The following PPP4R4 variants were observed in gnomAD, a reference collection of about 807,000 sequenced individuals.
The protein encoded by PPP4R4 is serine/threonine-protein phosphatase 4 regulatory subunit 4.
PPP4R4 carries 70 observed loss-of-function variants against 121.8 expected under a neutral mutation model. The observed-to-expected ratio is 0.57, with a 90% CI of 0.47 to 0.70. The LOEUF (loss-of-function observed/expected upper bound fraction) is 0.70. Among genes scored for constraint, PPP4R4 ranks in the 30% least tolerant of loss-of-function variants. The pLI is 0.00. For missense variants in PPP4R4, 875 were observed against 1,033.6 expected (o/e 0.85, Z 2.10); for synonymous variants, 348 against 355.7 (o/e 0.98, Z 0.24).
chr14:94,197,367 C>T (rs540677500), intron 2 of PPP4R4, among the ~76,000 whole-genome samples: 89 of 152,026 alleles, frequency 5.9e-4, no homozygotes, highest in African/African-American at 2.0e-3. Context: ...AATCTTATCA[C>T]GTAGTTATGG....
chr14:94,227,571 C>G, intron 3 of PPP4R4: 1 of 1,312,050 alleles, frequency 7.6e-7, no homozygotes, highest in Non-Finnish European at 9.7e-7. Flanking sequence ...AAATTAAATG[C>G]AAAATAGTTG....
chr14:94,254,043 A>G (rs1396234103), intron 16 of PPP4R4, among the ~76,000 whole-genome samples: 1 of 152,176 alleles, frequency 6.6e-6, no homozygotes, highest in Non-Finnish European at 1.5e-5. Flanking sequence ...TTCTGTGTGC[A>G]TTGATTTCCT....
chr14:94,245,796 G>A (rs1892863164), intron 13 of PPP4R4, 126 bp downstream of exon 13: 4 of 557,124 alleles, frequency 7.2e-6, no homozygotes, highest in Non-Finnish European at 6.2e-6. Context: ...CATAGCAGGT[G>A]GTCAGTAAAA....
intron 3 of PPP4R4, among the ~76,000 whole-genome samples, chr14:94,209,215 G>A (rs1348890394): frequency 6.6e-6 from 1 of 151,948 alleles, no homozygotes; most frequent in Non-Finnish European, 1.5e-5. Context: ...ATAAGAACTT[G>A]AATGAATAAA....
At chr14:94,265,761 A>C in intron 21 of PPP4R4, 33 bp from the exon 22 acceptor site, 2 of 1,464,688 alleles carry the variant, frequency 1.4e-6, no homozygotes, top group South Asian at 2.3e-5. Context: ...GATGAACTGA[A>C]TACATTTTTC....
intron 3 of PPP4R4, among the ~76,000 whole-genome samples, chr14:94,221,021 T>A (rs868675804): frequency 6.6e-6 from 1 of 152,144 alleles, no homozygotes; most frequent in Non-Finnish European, 1.5e-5. Flanking sequence ...TAATACTGTA[T>A]GATTGGTGTA....
chr14:94,176,104 T>C lies in PPP4R4; in HGVS notation c.168T>C (p.Ile56=), dbSNP rs1431565053. The C allele has an allele frequency of 2.4e-5, 39 of 1,612,040 alleles. No individual in the cohort carries two copies. The highest frequency in any genetic ancestry group is 3.1e-5 in the Non-Finnish European group (37 of 1,178,164). Residue 56 remains isoleucine, a synonymous_variant, in exon 2 of 25, where the codon ATT becomes ATC. Transcript: ENST00000304338. The part of the protein sequence containing the change: ...RLTVDEDLSD[I]ERAVYLLSAG... ...CAGTCGATGAAGACCTCAGTGATATTGAAAGGGCTGTTTATCTGCTCAGGT... is the reference window on the plus strand; with the variant it reads ...CAGTCGATGAAGACCTCAGTGATATCGAAAGGGCTGTTTATCTGCTCAGGT...
At chr14:94,208,665 C>A in intron 3 of PPP4R4, 99 bp downstream of exon 3, 1 of 844,142 alleles carries the variant, frequency 1.2e-6, no homozygotes, top group Non-Finnish European at 1.8e-6. Flanking sequence ...TGATCTTTTG[C>A]ACCTAAAAAT....
chr14:94,278,613 C>A lies in PPP4R4; in HGVS notation c.2598-6C>A. On this transcript the variant is annotated splice_polypyrimidine_tract_variant and splice_region_variant and intron_variant, in intron 24 of 24. Transcript: ENST00000304338. ...CCTCTCTTCCTTCATTTCTTTCTTC[C>A]CAAAGAAAATCCAGAAAATCCAATC... 1 of 1,579,100 alleles carries A rather than the reference C, an allele frequency of 6.3e-7. No individual in the cohort carries two copies. The highest frequency in any genetic ancestry group is 8.6e-7 in the Non-Finnish European group (1 of 1,156,874).
At position 94,234,543 on chromosome 14, in the gene PPP4R4, C is replaced by G. The variant is rs1382755528; in HGVS notation, c.624-19C>G. The G allele has an allele frequency of 6.8e-7, 1 of 1,464,404 alleles. No homozygotes were observed. The highest frequency in any genetic ancestry group is 9.5e-7 in the Non-Finnish European group (1 of 1,049,994). 90.7% of individuals were successfully genotyped at this position (1,464,404 alleles called of 1,614,324 possible). A position where few individuals can be genotyped will look rare whatever the true frequency, so the allele number is the denominator to read the frequency against. ...GAAACACTCATTCATTTGCATGTTT[C>G]TTTTCTCCCCACCTTCAGCATTAAG... On this transcript the variant is annotated intron_variant, in intron 6 of 24. Transcript: ENST00000304338.
chr14:94,234,723 G>A (rs1892233926), intron 7 of PPP4R4, 54 bp downstream of exon 7: 2 of 1,244,298 alleles, frequency 1.6e-6, no homozygotes, highest in Non-Finnish European at 2.4e-6. Context: ...GCCATTGAAA[G>A]GCTGTATTTG....
chr14:94,214,128 T>C (rs1890892389), intron 3 of PPP4R4, among the ~76,000 whole-genome samples: 1 of 152,222 alleles, frequency 6.6e-6, no homozygotes, highest in African/African-American at 2.4e-5. Flanking sequence ...GAGTGTTCAT[T>C]GAACTTAACA....
intron 23 of PPP4R4, among the ~76,000 whole-genome samples, chr14:94,270,190 A>G (rs1219027335): frequency 3.3e-5 from 5 of 152,230 alleles, no homozygotes; most frequent in Admixed American, 2.0e-4. Flanking sequence ...AAAATATGCT[A>G]GAGATACATA....
In PPP4R4 at chr14:94,268,432, A is replaced by G. The variant is rs141247729; in HGVS notation, c.2449+1403A>G. ...GTTTTTAAAAGTTTTAATTAAGTGC[A>G]TTAATTTATTTAGTTTTAACTTTGC... On this transcript the variant is annotated intron_variant, in intron 23 of 24. Transcript: ENST00000304338. Among the ~76,000 whole-genome samples the G allele has an allele frequency of 6.4e-3, 972 of 152,314 alleles. 10 individuals are homozygous for G. Among genetic ancestry groups the G allele is most frequent in the African/African-American group, 0.021 (863 of 41,560 alleles).
intron 23 of PPP4R4, among the ~76,000 whole-genome samples, chr14:94,268,903 C>T (rs1894180182): frequency 6.6e-6 from 1 of 151,990 alleles, no homozygotes; most frequent in Non-Finnish European, 1.5e-5. Flanking sequence ...CAGAGCCAAA[C>T]TATATCATGA....
At chr14:94,202,975 C>G (rs908863975) in intron 2 of PPP4R4, among the ~76,000 whole-genome samples, 1 of 125,474 alleles carries the variant, frequency 8.0e-6, no homozygotes, top group Non-Finnish European at 1.8e-5. Flanking sequence ...GAGCCAGACT[C>G]CATCTCAAAA....
At chr14:94,236,735 C>A (rs1892370692) in intron 7 of PPP4R4, among the ~76,000 whole-genome samples, 1 of 152,140 alleles carries the variant, frequency 6.6e-6, no homozygotes, top group Admixed American at 6.5e-5. Context: ...CTGAAGAGTA[C>A]AAATGATAAA....
intron 9 of PPP4R4, 103 bp from the exon 10 acceptor site, chr14:94,241,685 T>G: frequency 4.8e-6 from 4 of 827,204 alleles, no homozygotes; most frequent in Non-Finnish European, 7.4e-6. Flanking sequence ...AACCATTTAT[T>G]TAAGTATTTG....
chr14:94,224,737 G>A (rs753957087), intron 3 of PPP4R4, among the ~76,000 whole-genome samples: 25 of 152,094 alleles, frequency 1.6e-4, no homozygotes, highest in Non-Finnish European at 3.4e-4. Flanking sequence ...TGTATATACG[G>A]ATGTGATACT....
Sources: allele counts gnomAD v4.1 joint callset (sites outside exome capture counted in the v4.1 genomes callset), GRCh38; gene constraint gnomAD v4.1.1; transcripts MANE v1.5; gene names NCBI Gene and HGNC (gene_info 2026-07-23, HGNC 2026-07-21).